The following CFAP47 variants were observed in gnomAD, a reference collection of about 807,000 sequenced individuals.
CFAP47 encodes cilia- and flagella-associated protein 47.
CFAP47 carries 29 observed loss-of-function variants against 148.1 expected under a neutral mutation model. That is an observed-to-expected ratio of 0.20 (90% CI 0.15 to 0.27). The LOEUF (loss-of-function observed/expected upper bound fraction) is 0.27, where lower values mean the gene tolerates loss of function less well. Among genes scored for constraint, CFAP47 ranks in the 10% least tolerant of loss-of-function variants. CFAP47 has a pLI of 1.00. For synonymous variants in CFAP47, 664 were observed against 577.3 expected (o/e 1.15, Z -2.15); for missense variants, 1,872 against 1,697.5 (o/e 1.10, Z -1.81).
intron 15 of CFAP47, among the ~76,000 whole-genome samples, chrX:35,981,354 A>C (rs1255273062): frequency 9.5e-6 from 1 of 105,701 alleles, no homozygotes; most frequent in Non-Finnish European, 2.0e-5. Flanking sequence ...AAAGGCAAGG[A>C]CTGCCTACTA....
At chrX:36,247,298 G>A (rs1280538115) in intron 48 of CFAP47, among the ~76,000 whole-genome samples, 1 of 110,951 alleles carries the variant, frequency 9.0e-6, no homozygotes, top group East Asian at 2.8e-4. Context: ...GAGGGGGCAT[G>A]TGTTGAAAAG....
intron 30 of CFAP47, among the ~76,000 whole-genome samples, chrX:36,089,241 C>T (rs1015000678): frequency 3.6e-5 from 4 of 109,791 alleles, no homozygotes; most frequent in Non-Finnish European, 5.7e-5. Context: ...CTGTGGTGGG[C>T]GCCAGTAATC....
At chrX:36,297,767 T>C (rs1265283332) in intron 51 of CFAP47, among the ~76,000 whole-genome samples, 3 of 112,106 alleles carry the variant, frequency 2.7e-5, no homozygotes, top group Non-Finnish European at 5.6e-5. Context: ...TTAGTTTAGA[T>C]TGTCCCTGCT....
intron 25 of CFAP47, among the ~76,000 whole-genome samples, chrX:36,046,492 A>T (rs1937468124): frequency 9.0e-6 from 1 of 111,104 alleles, no homozygotes; most frequent in Non-Finnish European, 1.9e-5. Flanking sequence ...ATATGCATTA[A>T]GTTTGTACCT....
chrX:36,102,063 A>T (rs1478337534), intron 32 of CFAP47, among the ~76,000 whole-genome samples: 1 of 111,629 alleles, frequency 9.0e-6, no homozygotes, highest in African/African-American at 3.3e-5. Flanking sequence ...ATAGCCCAGG[A>T]CTATGTTCTA....
intron 57 of CFAP47, among the ~76,000 whole-genome samples, chrX:36,333,783 C>T (rs1941583529): frequency 9.0e-6 from 1 of 110,951 alleles, no homozygotes; most frequent in African/African-American, 3.3e-5. Flanking sequence ...CAGTTCATTA[C>T]CTCTAGTACT....
At chrX:36,177,309 T>C (rs947966607) in intron 39 of CFAP47, among the ~76,000 whole-genome samples, 3 of 112,326 alleles carry the variant, frequency 2.7e-5, no homozygotes, top group African/African-American at 9.7e-5. Context: ...GGGCTAGTCA[T>C]TTTATTTGTG....
At chrX:36,000,000 A>G (rs1371571958) in intron 19 of CFAP47, among the ~76,000 whole-genome samples, 1 of 111,102 alleles carries the variant, frequency 9.0e-6, no homozygotes, top group Non-Finnish European at 1.9e-5. Context: ...AGTTTGAGAA[A>G]AGTAAAAATC....
At chrX:35,955,397 T>C (rs1157686834) in intron 7 of CFAP47, among the ~76,000 whole-genome samples, 1 of 111,879 alleles carries the variant, frequency 8.9e-6, no homozygotes, top group Non-Finnish European at 1.9e-5. Context: ...AATCTGACAA[T>C]TTTTCTCCAT....
At position 35,951,156 on chromosome X, in the gene CFAP47, A is replaced by T. The variant is rs1320736602; in HGVS notation, c.682A>T (p.Met228Leu). 1 of 1,208,566 alleles carries T rather than the reference A, an allele frequency of 8.3e-7. No homozygotes were observed. Among genetic ancestry groups the T allele is most frequent in the African/African-American group, 1.7e-5 (1 of 57,267 alleles). ...AIVILQGQPE[M>L]LLSIKAHVVE... ...AGTGATTTTGCAAGGTCAACCTGAGATGCTCTTGAGTATCAAAGCTCATGT... is the reference window on the plus strand; with the variant it reads ...AGTGATTTTGCAAGGTCAACCTGAGTTGCTCTTGAGTATCAAAGCTCATGT... The change falls in exon 5 of 64, where the codon ATG becomes TTG. Residue 228 changes from methionine (M) to leucine (L), a missense_variant. Met to Leu is a conservative substitution (Grantham distance 15). Transcript: ENST00000378653.
rs138587803 is a variant in CFAP47 at position 36,138,452 on chromosome X, C to T, written c.5523C>T (p.Asp1841=). The change falls in exon 35 of 64, where the codon GAC becomes GAT. Residue 1841 remains aspartate, a synonymous_variant. Coordinates refer to ENST00000378653, the MANE Select transcript of CFAP47 (RefSeq NM_001304548.2). ...IVNTLYEIDF[D]VEIQATDICD... ...ATACTCTTTATGAAATTGACTTTGACGTGGAAATACAGGTGGGTGCCTTTA... is the reference window on the plus strand; with the variant it reads ...ATACTCTTTATGAAATTGACTTTGATGTGGAAATACAGGTGGGTGCCTTTA... 1.5e-5 allele frequency: 17 copies of T among 1,146,357 alleles called. No homozygotes were observed. The highest frequency in any genetic ancestry group is 6.6e-5 in the East Asian group (2 of 30,167). The allele number at this position is 1,146,357 out of a possible 1,213,427, so 94.5% of individuals were successfully genotyped here.
intron 1 of CFAP47, among the ~76,000 whole-genome samples, chrX:35,921,967 A>G (rs1935584662): frequency 9.0e-6 from 1 of 111,719 alleles, no homozygotes; most frequent in Non-Finnish European, 1.9e-5. Context: ...TTGCTGGTAG[A>G]AAAATAAGAA....
chrX:36,259,343 A>T (rs868924595), intron 49 of CFAP47, among the ~76,000 whole-genome samples: 21 of 111,630 alleles, frequency 1.9e-4, no homozygotes, highest in African/African-American at 6.8e-4. Flanking sequence ...CCATTTACAT[A>T]TAGATTTGCA....
intron 46 of CFAP47, among the ~76,000 whole-genome samples, chrX:36,235,599 G>A (rs1406607081): frequency 2.7e-5 from 3 of 112,252 alleles, no homozygotes; most frequent in Non-Finnish European, 3.8e-5. Context: ...GCCCTGCTTC[G>A]GCTCACACAC....
At chrX:35,932,131 C>T (rs970607578) in intron 2 of CFAP47, among the ~76,000 whole-genome samples, 1 of 109,116 alleles carries the variant, frequency 9.2e-6, no homozygotes, top group African/African-American at 3.3e-5. Context: ...TCACTGCAAC[C>T]TCAACCTTCT....
At position 36,099,898 on chromosome X, in the gene CFAP47, T is replaced by C. The variant is rs2146791731; in HGVS notation, c.5127+19T>C. On this transcript the variant is annotated intron_variant, in intron 32 of 63. Coordinates refer to ENST00000378653, the MANE Select transcript of CFAP47 (RefSeq NM_001304548.2). ...ATACAAGGTAACATTTCCATTATTG[T>C]TCGCTGCTTCTCTGTTGATTAATAT... 1 of 844,134 alleles carries C rather than the reference T, an allele frequency of 1.2e-6. No individual in the cohort carries two copies. The highest frequency in any genetic ancestry group is 3.2e-5 in the East Asian group (1 of 31,397). 69.6% of individuals were successfully genotyped at this position (844,134 alleles called of 1,213,427 possible). A position where few individuals can be genotyped will look rare whatever the true frequency, so the allele number is the denominator to read the frequency against.
At chrX:36,361,155 CTGAG>C (rs782550809) in intron 60 of CFAP47, among the ~76,000 whole-genome samples, 171 bp from the exon 61 acceptor site, 464 of 111,256 alleles carry the variant, frequency 4.2e-3, no homozygotes, top group Non-Finnish European at 5.9e-3. Context: ...CAAAAATATA[CTGAG>C]TATCATTATA....
intron 33 of CFAP47, among the ~76,000 whole-genome samples, chrX:36,116,062 T>A (rs1394394039): frequency 4.4e-5 from 5 of 112,403 alleles, no homozygotes; most frequent in Non-Finnish European, 9.4e-5. Flanking sequence ...TTTTTTGAGT[T>A]AAATTTAATT....
At chrX:36,137,856 A>G (rs1939070031) in intron 33 of CFAP47, 102 bp from the exon 34 acceptor site, 2 of 374,835 alleles carry the variant, frequency 5.3e-6, no homozygotes. Flanking sequence ...TTGTTTCCCA[A>G]GCAGAAGCAA....
Sources: allele counts gnomAD v4.1 joint callset (sites outside exome capture counted in the v4.1 genomes callset), GRCh38; gene constraint gnomAD v4.1.1; transcripts MANE v1.5; gene names NCBI Gene and HGNC (gene_info 2026-07-23, HGNC 2026-07-21).